Variants in C3orf49 observed in about 807,000 individuals in gnomAD.
C3orf49 encodes putative uncharacterized protein C3orf49.
C3orf49 carries 27 observed loss-of-function variants against 13.3 expected under a neutral mutation model. The observed-to-expected ratio is 2.02, with a 90% CI of 1.49 to 2.79. The LOEUF (loss-of-function observed/expected upper bound fraction) is 2.79. Among genes scored for constraint, C3orf49 ranks in the 30% most tolerant of loss-of-function variants. The pLI is 0.00. For synonymous variants in C3orf49, 87 were observed against 47.6 expected, an observed-to-expected ratio of 1.83 and a Z score of -3.40; for missense variants, 242 against 134.2, an observed-to-expected ratio of 1.80 and a Z score of -3.97.
the C3orf49 span, among the ~76,000 whole-genome samples, chr3:63,783,364 C>T: frequency 1.3e-5 from 2 of 152,032 alleles, no homozygotes; most frequent in Admixed American, 6.6e-5. Context: ...ACAAGTCAAT[C>T]ACTGTTAAGA....
chr3:63,820,447 C>T (rs957108849), intron 1 of C3orf49, among the ~76,000 whole-genome samples: 1 of 152,162 alleles, frequency 6.6e-6, no homozygotes, highest in Non-Finnish European at 1.5e-5. Context: ...TTCCTAGGCT[C>T]TGGAGCTAAA....
At chr3:63,837,189 T>C (rs1160161297) in intron 5 of C3orf49, among the ~76,000 whole-genome samples, 1 of 151,938 alleles carries the variant, frequency 6.6e-6, no homozygotes, top group African/African-American at 2.4e-5. Context: ...TACAAAATAA[T>C]ACATGCCCTA....
At chr3:63,816,769 CTTTTTTTT>C (rs543894356), upstream of C3orf49, among the ~76,000 whole-genome samples, 1 of 97,172 alleles carries the variant, frequency 1.0e-5, no homozygotes, top group Non-Finnish European at 1.8e-5. Flanking sequence ...CTTTTCTTTT[CTTTTTTTT>C]TTTTTTTTTT....
At chr3:63,830,000 G>A (rs543764552) in intron 3 of C3orf49, among the ~76,000 whole-genome samples, 9 of 152,154 alleles carry the variant, frequency 5.9e-5, no homozygotes, top group East Asian at 5.8e-4. Context: ...AATTGTCTAC[G>A]TTTAGAAATT....
intron 5 of C3orf49, chr3:63,836,378 T>A: frequency 1.2e-6 from 2 of 1,609,732 alleles, no homozygotes; most frequent in Non-Finnish European, 1.7e-6. Flanking sequence ...ATAAAAATAT[T>A]TATCAAACTA....
chr3:63,806,863 A>G, the C3orf49 span, among the ~76,000 whole-genome samples: 1 of 152,120 alleles, frequency 6.6e-6, no homozygotes, highest in African/African-American at 2.4e-5. Flanking sequence ...TTGTATTATA[A>G]TTGCCTTTAG....
chr3:63,827,492 C>G, intron 2 of C3orf49, 109 bp from the exon 3 acceptor site: 3 of 561,712 alleles, frequency 5.3e-6, no homozygotes, highest in Non-Finnish European at 9.5e-6. Context: ...AAAAAAAAAG[C>G]CACTGAAGCA....
At chr3:63,840,153 A>C (rs983533811) in intron 5 of C3orf49, among the ~76,000 whole-genome samples, 1 of 152,212 alleles carries the variant, frequency 6.6e-6, no homozygotes, top group Non-Finnish European at 1.5e-5. Flanking sequence ...CCAATAATTC[A>C]TAGAGAACCT....
chr3:63,839,295 G>A (rs1255758611), intron 5 of C3orf49, among the ~76,000 whole-genome samples: 1 of 152,088 alleles, frequency 6.6e-6, no homozygotes, highest in Non-Finnish European at 1.5e-5. Context: ...CAGAAATCAC[G>A]ATTAATTTTG....
chr3:63,842,404 G>C (rs1051627019), intron 5 of C3orf49, among the ~76,000 whole-genome samples: 2 of 152,060 alleles, frequency 1.3e-5, no homozygotes, highest in African/African-American at 4.8e-5. Context: ...ACAAAATGAA[G>C]AGTCCTCAAA....
intron 1 of C3orf49, 124 bp downstream of exon 1, chr3:63,819,720 G>A (rs574560898): frequency 1.2e-5 from 7 of 603,206 alleles, no homozygotes; most frequent in South Asian, 4.0e-5. Context: ...AGGGTACTGC[G>A]TTGGATCAAG....
chr3:63,815,576 G>A (rs1389334128), upstream of C3orf49, among the ~76,000 whole-genome samples: 1 of 152,002 alleles, frequency 6.6e-6, no homozygotes, highest in Admixed American at 6.6e-5. Context: ...CTTTGCTCAT[G>A]TCGTTTTCTG....
At chr3:63,782,268 C>T in the C3orf49 span, among the ~76,000 whole-genome samples, 1 of 151,962 alleles carries the variant, frequency 6.6e-6, no homozygotes, top group Non-Finnish European at 1.5e-5. Context: ...TAAGAAAACC[C>T]TTTTTAAAAA....
chr3:63,842,062 AAATATT>A (rs1330163506), intron 5 of C3orf49, among the ~76,000 whole-genome samples: 2 of 152,198 alleles, frequency 1.3e-5, no homozygotes, highest in African/African-American at 2.4e-5. Context: ...TGAGAGGAAA[AAATATT>A]AATAGATCTA....
intron 1 of C3orf49, among the ~76,000 whole-genome samples, chr3:63,820,143 A>G (rs1483161617): frequency 1.3e-5 from 2 of 152,168 alleles, no homozygotes; most frequent in Non-Finnish European, 2.9e-5. Flanking sequence ...TTTAATTTGG[A>G]AAGTCAGTGT....
At chr3:63,808,037 T>C in the C3orf49 span, among the ~76,000 whole-genome samples, 1 of 152,044 alleles carries the variant, frequency 6.6e-6, no homozygotes. Context: ...AACGACATAA[T>C]GAACGAACTT....
At chr3:63,843,283 T>G (rs1455425837) in intron 5 of C3orf49, among the ~76,000 whole-genome samples, 1 of 151,920 alleles carries the variant, frequency 6.6e-6, no homozygotes, top group Admixed American at 6.6e-5. Context: ...CATGCCCAGC[T>G]AATTTTGTAT....
chr3:63,785,197 G>A, the C3orf49 span, among the ~76,000 whole-genome samples: 1 of 144,934 alleles, frequency 6.9e-6, no homozygotes, highest in Non-Finnish European at 1.5e-5. Context: ...TCAGCCTCCC[G>A]AGTAGCTGGG....
the C3orf49 span, among the ~76,000 whole-genome samples, chr3:63,804,720 T>C: frequency 3.3e-5 from 5 of 152,162 alleles, no homozygotes; most frequent in Non-Finnish European, 5.9e-5. Context: ...TTGAAAGTAA[T>C]GGCAAAAACT....
Sources: gnomAD v4.1 joint callset for allele counts (sites outside exome capture counted in the v4.1 genomes callset) on GRCh38, gnomAD v4.1.1 for gene constraint, MANE v1.5 for transcripts, NCBI Gene and HGNC (gene_info 2026-07-23, HGNC 2026-07-21) for gene names.